KCNV2: variants seen among roughly 807,000 people sequenced by gnomAD.
KCNV2 encodes the protein potassium voltage-gated channel subfamily V member 2.
In KCNV2, 65 loss-of-function variants were observed where a neutral mutation model predicts 37.0. The observed-to-expected ratio is 1.76, with a 90% CI of 1.44 to 2.16. The LOEUF is 2.16. Ranked by LOEUF, KCNV2 falls within the 30% of genes most tolerant of loss-of-function variation. The pLI is 0.00. For synonymous variants in KCNV2, 518 were observed against 328.6 expected (o/e 1.58, Z -6.23); for missense variants, 1,232 against 766.7 (o/e 1.61, Z -7.17).
At chr9:2,725,102 G>T (rs1318656942) in intron 1 of KCNV2, among the ~76,000 whole-genome samples, 1 of 152,132 alleles carries the variant, frequency 6.6e-6, no homozygotes, top group African/African-American at 2.4e-5. Context: ...ATCATTGAGG[G>T]CACGGAGAAA....
chr9:2,725,176 G>C (rs1819948547), intron 1 of KCNV2, among the ~76,000 whole-genome samples: 1 of 152,170 alleles, frequency 6.6e-6, no homozygotes, highest in Non-Finnish European at 1.5e-5. Flanking sequence ...TAGATTAATA[G>C]ATCTCAAACT....
chr9:2,724,065 G>C (rs746114210), intron 1 of KCNV2, among the ~76,000 whole-genome samples: 1 of 150,244 alleles, frequency 6.7e-6, no homozygotes, highest in Non-Finnish European at 1.5e-5. Flanking sequence ...TTTTCAAGTA[G>C]AAAAGAGTAA....
At chr9:2,728,914 A>G (rs995934227) in intron 1 of KCNV2, among the ~76,000 whole-genome samples, 7 of 150,298 alleles carry the variant, frequency 4.7e-5, no homozygotes, top group African/African-American at 1.7e-4. Context: ...AGAAAAAGAG[A>G]GAGAGAGAGT....
chr9:2,723,386 A>C (rs557154187), intron 1 of KCNV2, among the ~76,000 whole-genome samples: 1 of 152,320 alleles, frequency 6.6e-6, no homozygotes, highest in East Asian at 1.9e-4. Context: ...AGGATCCTGC[A>C]AACTTTCTCT....
At chr9:2,729,387 T>G in intron 1 of KCNV2, 59 bp from the exon 2 acceptor site, 1 of 1,598,886 alleles carries the variant, frequency 6.3e-7, no homozygotes, top group Admixed American at 1.7e-5. Flanking sequence ...CTCCTCTCCC[T>G]TTCTTCTCCT....
intron 1 of KCNV2, among the ~76,000 whole-genome samples, chr9:2,724,858 T>C (rs1819944543): frequency 6.6e-6 from 1 of 152,136 alleles, no homozygotes; most frequent in African/African-American, 2.4e-5. Context: ...TAAAATAAAA[T>C]ACAGAAGGGT....
At chr9:2,728,921 G>C (rs966291581) in intron 1 of KCNV2, among the ~76,000 whole-genome samples, 1 of 151,238 alleles carries the variant, frequency 6.6e-6, no homozygotes, top group Non-Finnish European at 1.5e-5. Flanking sequence ...GAGAGAGAGA[G>C]AGTCTGAAGG....
chr9:2,728,369 T>G (rs1199419746), intron 1 of KCNV2, among the ~76,000 whole-genome samples: 2 of 152,164 alleles, frequency 1.3e-5, no homozygotes, highest in African/African-American at 4.8e-5. Flanking sequence ...CAGCTCTGCT[T>G]AAAAGGCTTC....
chr9:2,717,920 G>A lies in KCNV2; in HGVS notation c.181G>A (p.Gly61Ser), dbSNP rs758833258. ...CTACTACATCGAGGAAGACGAAGAC[G>A]GCGAGGAGGAGGACCAGTGGAAGGA... The part of the protein sequence containing the change: ...YNYYIEEDED[G>S]EEEDQWKDDL... Residue 61 changes from glycine to serine, a missense_variant, in exon 1 of 2, where the codon GGC becomes AGC. Transcript: ENST00000382082. 18 of 1,614,048 alleles carry A rather than the reference G, an allele frequency of 1.1e-5. No homozygotes were observed. The highest frequency in any genetic ancestry group is 8.0e-5 in the African/African-American group (6 of 74,934).
rs999348505 is a variant in KCNV2 at position 2,729,647 on chromosome 9, T to C, written c.1558T>C (p.Phe520Leu). Reference sequence around the variant, plus strand: ...ACGCAGGGAGAGGGGAGAGGTGAACTTCATGCAGAGAGCCAGAAAGAAGAT... The same window carrying C: ...ACGCAGGGAGAGGGGAGAGGTGAACCTCATGCAGAGAGCCAGAAAGAAGAT... ...TIRRERGEVNFMQRARKKIAE... is the reference protein window; with the variant it reads ...TIRRERGEVNLMQRARKKIAE... Residue 520 changes from phenylalanine (F) to leucine (L), a missense_variant, in exon 2 of 2, where the codon TTC (phenylalanine) becomes CTC (leucine). Transcript: ENST00000382082. 1.2e-6 allele frequency: 2 copies of C among 1,614,094 alleles called. No homozygotes were observed. The highest frequency in any genetic ancestry group is 1.7e-6 in the Non-Finnish European group (2 of 1,180,012).
chr9:2,717,891 A>G lies in KCNV2; in HGVS notation c.152A>G (p.Tyr51Cys), dbSNP rs201072890. The change falls in exon 1 of 2, where the codon TAT becomes TGT. Residue 51 changes from tyrosine to cysteine, a missense_variant. By Grantham distance (194) the Tyr-to-Cys change is radical. Transcript: ENST00000382082. ...ATCCACGGCTGGACAGAGGGCAACTATAACTACTACATCGAGGAAGACGAA... is the reference window on the plus strand; with the variant it reads ...ATCCACGGCTGGACAGAGGGCAACTGTAACTACTACATCGAGGAAGACGAA... ...ASIHGWTEGN[Y>C]NYYIEEDEDG... The G allele has an allele frequency of 1.1e-5, 17 of 1,614,198 alleles. No homozygotes were observed. The highest frequency in any genetic ancestry group is 6.7e-5 in the East Asian group (3 of 44,874).
chr9:2,729,109 C>T (rs1008244287), intron 1 of KCNV2, among the ~76,000 whole-genome samples: 4 of 152,172 alleles, frequency 2.6e-5, no homozygotes, highest in African/African-American at 9.7e-5. Context: ...TGAGCACGTT[C>T]TACATCAGGT....
intron 1 of KCNV2, among the ~76,000 whole-genome samples, chr9:2,720,297 A>G (rs573397044): frequency 3.9e-5 from 6 of 152,342 alleles, no homozygotes; most frequent in Non-Finnish European, 8.8e-5. Flanking sequence ...ACCCTGAATA[A>G]TTAACTGTGA....
Position 2,718,120 on chromosome 9 carries a change from C to T in KCNV2, c.381C>T (p.Ala127=). ...CCAAGACGCGCCTAGGTCGCCTGGC[C>T]ACCTCCACCAGCCGCAGCCGCCAGC... The part of the protein sequence containing the change: ...GFPKTRLGRL[A]TSTSRSRQLS... The change falls in exon 1 of 2, where the codon GCC becomes GCT. Residue 127 remains alanine (A), a synonymous_variant. Transcript: ENST00000382082. 6.2e-7 allele frequency: 1 copy of T among 1,602,732 alleles called. No individual in the cohort carries two copies.
Position 2,717,532 on chromosome 9 carries a change from G to A in KCNV2, c.-208G>A. 4 of 612,172 alleles carry A rather than the reference G, an allele frequency of 6.5e-6. No homozygotes were observed. Among genetic ancestry groups the A allele is most frequent in the South Asian group, 3.9e-5 (2 of 51,732 alleles). 37.9% of individuals were successfully genotyped at this position (612,172 alleles called of 1,614,324 possible). On this transcript the variant is annotated 5_prime_UTR_variant, in exon 1 of 2. Transcript: ENST00000382082. Reference sequence around the variant, plus strand: ...ATTAGAGCAGTCAACAGCTGACTGCGTTCAGACCCTGCAGGCTGGGCTGGC... The same window carrying A: ...ATTAGAGCAGTCAACAGCTGACTGCATTCAGACCCTGCAGGCTGGGCTGGC...
At chr9:2,722,106 G>GTTAT (rs1424613485) in intron 1 of KCNV2, among the ~76,000 whole-genome samples, 2 of 133,746 alleles carry the variant, frequency 1.5e-5, no homozygotes, top group African/African-American at 6.2e-5. Context: ...TAAATTAGAA[G>GTTAT]TTATTTATAA....
At chr9:2,724,288 G>A (rs965016484) in intron 1 of KCNV2, among the ~76,000 whole-genome samples, 2 of 152,120 alleles carry the variant, frequency 1.3e-5, no homozygotes, top group Non-Finnish European at 2.9e-5. Context: ...CCAATAGGTG[G>A]CACTTACAAG....
intron 1 of KCNV2, among the ~76,000 whole-genome samples, chr9:2,722,360 T>C (rs1819890991): frequency 7.3e-6 from 1 of 137,222 alleles, no homozygotes; most frequent in African/African-American, 3.0e-5. Flanking sequence ...AAGTTATTTA[T>C]AAATAAATTA....
intron 1 of KCNV2, among the ~76,000 whole-genome samples, chr9:2,724,795 G>T (rs1447979257): frequency 2.6e-5 from 4 of 152,238 alleles, no homozygotes; most frequent in Admixed American, 6.5e-5. Context: ...CTAGAAGACA[G>T]TGGGCAAGAG....
Sources: gnomAD v4.1 joint callset for allele counts (sites outside exome capture counted in the v4.1 genomes callset) on GRCh38, gnomAD v4.1.1 for gene constraint, MANE v1.5 for transcripts, NCBI Gene and HGNC (gene_info 2026-07-23, HGNC 2026-07-21) for gene names.